Variants in LGI3 observed in about 807,000 individuals in gnomAD.
LGI3 encodes leucine rich repeat LGI family member 3.
LGI3 carries 47 observed loss-of-function variants against 55.4 expected under a neutral mutation model. That is an observed-to-expected ratio of 0.85 (90% CI 0.67 to 1.08). The LOEUF is 1.08. Among genes scored for constraint, LGI3 ranks in the 50% least tolerant of loss-of-function variants. LGI3 has a pLI of 0.00. For synonymous variants in LGI3, 326 were observed against 315.0 expected, an observed-to-expected ratio of 1.04 and a Z score of -0.37; for missense variants, 664 against 726.3, an observed-to-expected ratio of 0.91 and a Z score of 0.99.
intron 5 of LGI3, among the ~76,000 whole-genome samples, chr8:22,152,238 T>C (rs1480627174): frequency 6.6e-6 from 1 of 152,230 alleles, no homozygotes; most frequent in Admixed American, 6.5e-5. Flanking sequence ...TTTGGCTAGG[T>C]TGGCTTTTGC....
chr8:22,156,227 C>T, intron 1 of LGI3, 110 bp downstream of exon 1: 1 of 1,217,874 alleles, frequency 8.2e-7, no homozygotes, highest in Non-Finnish European at 1.2e-6. Flanking sequence ...TGCAGTCCCC[C>T]TGGTCCCCGC....
Position 22,148,606 on chromosome 8 carries a change from T to C in LGI3, c.1201A>G (p.Ile401Val), listed in dbSNP as rs1331046737. 1.9e-6 allele frequency: 3 copies of C among 1,613,946 alleles called. No individual in the cohort carries two copies. Among genetic ancestry groups the C allele is most frequent in the South Asian group, 1.1e-5 (1 of 91,074 alleles). ...IVSSSSQAPV[I>V]YQWSRTQKQF... ...TTCTGGGTGCGACTCCACTGATAGA[T>C]GACGGGTGCCTGGGAGCTGCTGGAC... The change falls in exon 8 of 8, where the codon ATC becomes GTC. Residue 401 changes from isoleucine (I) to valine (V), a missense_variant. By Grantham distance (29) the Ile-to-Val change is conservative (BLOSUM62 3). Transcript: ENST00000306317. This position sits in a 1 kb window ranked among gnomAD's most constrained non-coding sequence, Gnocchi z 7.0.
Position 22,151,522 on chromosome 8 carries a change from C to G in LGI3, c.796G>C (p.Glu266Gln). 2 of 1,614,074 alleles carry G rather than the reference C, an allele frequency of 1.2e-6. No individual in the cohort carries two copies. The highest frequency in any genetic ancestry group is 1.6e-4 in the Middle Eastern group (1 of 6,062). The change falls in exon 7 of 8, where the codon GAG becomes CAG. Residue 266 changes from glutamate (E) to glutamine (Q), a missense_variant. Transcript: ENST00000306317. Reference sequence around the variant, plus strand: ...CTATCATAGTCTCGAAGCTGCCGCTCAACATAGTCCCACTTCAGGATGGTG... The same window carrying G: ...CTATCATAGTCTCGAAGCTGCCGCTGAACATAGTCCCACTTCAGGATGGTG... The part of the protein sequence containing the change: ...ACTILKWDYV[E>Q]RQLRDYDRIP...
rs111532740 is a variant in LGI3, at chr8:22,148,634, A to T, written c.1173T>A (p.Ile391=). ...FVDGEGKPRL[I]VSSSSQAPVI... is the part of the protein sequence containing the mutation. ...CGGGTGCCTGGGAGCTGCTGGACAC[A>T]ATCAGCCGTGGCTTGCCCTCGCCGT... Residue 391 remains isoleucine, a synonymous_variant, in exon 8 of 8, where the codon ATT becomes ATA. Coordinates refer to ENST00000306317, the MANE Select transcript of LGI3 (RefSeq NM_139278.4). The surrounding 1 kb of genome is among the most constrained non-coding windows in gnomAD (Gnocchi z 7.0). 5 of 1,613,980 alleles carry T rather than the reference A, an allele frequency of 3.1e-6. No individual in the cohort carries two copies. In the African/African-American group the frequency reaches 4.0e-5, roughly 13 times the overall value.
chr8:22,152,096 T>G, intron 5 of LGI3, 96 bp from the exon 6 acceptor site: 1 of 1,005,196 alleles, frequency 9.9e-7, no homozygotes, highest in Non-Finnish European at 1.4e-6. Flanking sequence ...ATAGAGCTGG[T>G]CAAGGCTGCT....
In LGI3 at chr8:22,147,064, G is replaced by T. The variant is rs571179162; in HGVS notation, c.*1096C>A. The T allele has an allele frequency of 6.6e-6, 1 of 152,354 alleles. No homozygotes were observed. The highest frequency in any genetic ancestry group is 6.5e-5 in the Admixed American group (1 of 15,308). The allele number at this position is 152,354 out of a possible 1,614,324, so 9.4% of individuals were successfully genotyped here. ...TGCTCCTGGGGGCCTCTGTGGACTG[G>T]TGGGGCCAGGGCTGCAACACGCCCT... On this transcript the variant is annotated 3_prime_UTR_variant, in exon 8 of 8. Coordinates refer to ENST00000306317, the MANE Select transcript of LGI3 (RefSeq NM_139278.4).
chr8:22,156,214 C>A, intron 1 of LGI3, 123 bp downstream of exon 1: 1 of 1,052,244 alleles, frequency 9.5e-7, no homozygotes, highest in East Asian at 2.7e-5. Flanking sequence ...CCCTGAGGAC[C>A]CCTGCAGTCC....
At chr8:22,149,078 C>G in intron 7 of LGI3, 101 bp from the exon 8 acceptor site, 1 of 758,952 alleles carries the variant, frequency 1.3e-6, no homozygotes, top group South Asian at 1.8e-5. Context: ...TGGGCCAGGA[C>G]TAAGACTCTG....
At chr8:22,151,177 C>T (rs956371757) in intron 7 of LGI3, among the ~76,000 whole-genome samples, 1 of 152,162 alleles carries the variant, frequency 6.6e-6, no homozygotes, top group Non-Finnish European at 1.5e-5. Context: ...CTGAGTTCTC[C>T]CTTTCCTCTA....
Position 22,156,484 on chromosome 8 carries a change from A to AGC in LGI3, c.57_58dup (p.Leu20ArgfsTer51). 3 of 1,422,426 alleles carry AGC rather than the reference A, an allele frequency of 2.1e-6. No individual in the cohort carries two copies. Among genetic ancestry groups the AGC allele is most frequent in the Non-Finnish European group, 2.8e-6 (3 of 1,089,126 alleles). The allele number at this position is 1,422,426 out of a possible 1,614,324, so 88.1% of individuals were successfully genotyped here. A position where few individuals can be genotyped will look rare whatever the true frequency, so the allele number is the denominator to read the frequency against. Reference sequence around the variant, plus strand: ...GACTTGCAGCATGAGGCAGAAGCCGAGCGCGGAGAGCGCCAGCAGCCCCGG... The same window carrying AGC: ...GACTTGCAGCATGAGGCAGAAGCCGAGCGCGCGGAGAGCGCCAGCAGCCCCGG... On this transcript the variant is annotated frameshift_variant, in exon 1 of 8. Coordinates refer to ENST00000306317, the MANE Select transcript of LGI3 (RefSeq NM_139278.4). LOFTEE classifies it high-confidence loss of function.
At position 22,148,922 on chromosome 8, in the gene LGI3, G is replaced by A. The variant is rs1386248163; in HGVS notation, c.885C>T (p.Val295=). 5.6e-6 allele frequency: 9 copies of A among 1,614,012 alleles called. No individual in the cohort carries two copies. The highest frequency in any genetic ancestry group is 1.1e-5 in the South Asian group (1 of 91,042). The change falls in exon 8 of 8, where the codon GTC becomes GTT. Residue 295 remains valine, a synonymous_variant. Transcript: ENST00000306317. The surrounding 1 kb of genome is among the most constrained non-coding windows in gnomAD (Gnocchi z 7.0). ...PMVVDSQLYV[V]VAQLFGGSYI... is the part of the protein sequence containing the mutation. ...AAGAGCCGCCAAACAGCTGGGCCAC[G>A]ACCACGTACAGCTGGCTGTCCACCA...
In LGI3 at chr8:22,148,827, C is replaced by T. The variant is rs143158388; in HGVS notation, c.980G>A (p.Arg327His). The stretch of plus-strand genomic sequence containing the variant: ...GAAGGCTTCTAGGTCGTTAGGCTTG[C>T]GCACGCGCTGCGGGTCAATGTCTTG... ...RLQDIDPQRV[R>H]KPNDLEAFRI... Residue 327 changes from arginine to histidine, a missense_variant, in exon 8 of 8, where the codon CGC becomes CAC. Coordinates refer to ENST00000306317, the MANE Select transcript of LGI3 (RefSeq NM_139278.4). The surrounding 1 kb of genome is among the most constrained non-coding windows in gnomAD (Gnocchi z 7.0). 1.8e-5 allele frequency: 29 copies of T among 1,614,176 alleles called. No homozygotes were observed. The East Asian group carries it at 2.0e-4, about 11-fold the overall frequency.
intron 5 of LGI3, 35 bp from the exon 6 acceptor site, chr8:22,152,035 A>G (rs1203913621): frequency 6.5e-7 from 1 of 1,543,656 alleles, no homozygotes; most frequent in Admixed American, 1.8e-5. Context: ...GGGCACAGAG[A>G]AAGACATGCT....
chr8:22,153,032 A>G (rs552681240), intron 5 of LGI3, among the ~76,000 whole-genome samples: 117 of 150,642 alleles, frequency 7.8e-4, no homozygotes, highest in Admixed American at 1.6e-3. Context: ...CCTGGGTGAC[A>G]GAGCGAGACT....
At chr8:22,151,780 G>A (rs1446254052) in intron 6 of LGI3, 51 bp downstream of exon 6, 1 of 1,577,646 alleles carries the variant, frequency 6.3e-7, no homozygotes, top group East Asian at 2.2e-5. Context: ...TGTCTGTAAA[G>A]CTGCCTTGGG....
chr8:22,153,947 G>A (rs1827450334), intron 5 of LGI3, 21 bp downstream of exon 5: 1 of 1,612,104 alleles, frequency 6.2e-7, no homozygotes, highest in South Asian at 1.1e-5. Flanking sequence ...ACTGTTGGAA[G>A]AGGCAGGACT....
chr8:22,151,640 G>C lies in LGI3; in HGVS notation c.678C>G (p.Tyr226Ter). 1 of 1,613,954 alleles carries C rather than the reference G, an allele frequency of 6.2e-7. No individual in the cohort carries two copies. Among genetic ancestry groups the C allele is most frequent in the Non-Finnish European group, 8.5e-7 (1 of 1,179,946 alleles). Residue 226 changes from tyrosine (Y) to a stop codon, truncating the protein, a stop_gained, in exon 7 of 8, where the codon TAC becomes TAG. Transcript: ENST00000306317. LOFTEE classifies it high-confidence loss of function. ...FDCITTDFVL[Y>*]QTLAFPAVSA... Reference sequence around the variant, plus strand: ...ACACTGCTGGGAAGGCCAGGGTCTGGTACAACACAAAATCTGCAAGATGAG... The same window carrying C: ...ACACTGCTGGGAAGGCCAGGGTCTGCTACAACACAAAATCTGCAAGATGAG...
At chr8:22,149,411 G>A (rs1827349642) in intron 7 of LGI3, among the ~76,000 whole-genome samples, 1 of 152,044 alleles carries the variant, frequency 6.6e-6, no homozygotes, top group African/African-American at 2.4e-5. Flanking sequence ...CTCAGAGAGA[G>A]CAAGTGACTT....
In LGI3 at chr8:22,151,855, G is replaced by T. The variant is rs147786630; in HGVS notation, c.640C>A (p.Arg214=). 4 of 1,611,406 alleles carry T rather than the reference G, an allele frequency of 2.5e-6. No individual in the cohort carries two copies. The highest frequency in any genetic ancestry group is 1.7e-5 in the Admixed American group (1 of 59,794). Residue 214 remains arginine, a synonymous_variant, in exon 6 of 8, where the codon CGG becomes AGG. Coordinates refer to ENST00000306317, the MANE Select transcript of LGI3 (RefSeq NM_139278.4). ...CCTGTGGTGATGCAATCGAACTCCC[G>T]CAGCGGCAGGTCCTGCACCTTGTGC... ...QEHKVQDLPL[R]EFDCITTDFV... is the part of the protein sequence containing the mutation.
Sources: gnomAD v4.1 joint callset for allele counts (sites outside exome capture counted in the v4.1 genomes callset) on GRCh38, gnomAD v4.1.1 for gene constraint, Gnocchi (gnomAD v3.1) non-coding constraint, MANE v1.5 for transcripts, NCBI Gene and HGNC (gene_info 2026-07-23, HGNC 2026-07-21) for gene names.